VSIG4: variants seen among roughly 807,000 people sequenced by gnomAD.
VSIG4 encodes V-set and immunoglobulin domain containing 4.
VSIG4 carries 34 observed loss-of-function variants against 23.4 expected under a neutral mutation model. The ratio of observed to expected loss-of-function variants is 1.45; its 90% CI spans 1.10 to 1.93. The LOEUF (loss-of-function observed/expected upper bound fraction) is 1.93. Among genes scored for constraint, VSIG4 ranks in the 30% most tolerant of loss-of-function variants. VSIG4 has a pLI of 0.00. For missense variants in VSIG4, 433 were observed against 310.8 expected (o/e 1.39, Z -2.96); for synonymous variants, 169 against 120.3 (o/e 1.41, Z -2.65).
Position 66,025,122 on chromosome X carries a change from G to A in VSIG4, c.843C>T (p.Ser281=), listed in dbSNP as rs764072074. The A allele has an allele frequency of 8.4e-7, 1 of 1,187,705 alleles. No homozygotes were observed. The highest frequency in any genetic ancestry group is 1.1e-6 in the Non-Finnish European group (1 of 882,197). Residue 281 remains serine (S), a synonymous_variant, in exon 6 of 8, where the codon AGC becomes AGT. Coordinates refer to ENST00000374737, the MANE Select transcript of VSIG4 (RefSeq NM_007268.3). ...TGAGGATGATGGCAAAGACAGGCAGGCTCTTTCCTAGAGGGTAAAACAAGA... is the reference window on the plus strand; with the variant it reads ...TGAGGATGATGGCAAAGACAGGCAGACTCTTTCCTAGAGGGTAAAACAAGA... ...LGETSAGPGK[S]LPVFAIILII... is the part of the protein sequence containing the mutation.
At position 66,022,254 on chromosome X, in the gene VSIG4, G is replaced by A. The variant is rs1353281732; in HGVS notation, c.*9C>T. 6 of 1,210,865 alleles carry A rather than the reference G, an allele frequency of 5.0e-6. No individual in the cohort carries two copies. The African/African-American group carries it at 1.0e-4, about 21-fold the overall frequency. On this transcript the variant is annotated 3_prime_UTR_variant, in exon 8 of 8. Coordinates refer to ENST00000374737, the MANE Select transcript of VSIG4 (RefSeq NM_007268.3). ...TTATGTCAGCAGATCCTGGCCTAATGGGGCATTTTTAACAGACACTTTTGC... is the reference window on the plus strand; with the variant it reads ...TTATGTCAGCAGATCCTGGCCTAATAGGGCATTTTTAACAGACACTTTTGC...
At chrX:66,026,581 G>A (rs758750488) in intron 5 of VSIG4, among the ~76,000 whole-genome samples, 1 of 111,916 alleles carries the variant, frequency 8.9e-6, no homozygotes, top group South Asian at 3.8e-4. Context: ...ACATAAAACA[G>A]GTTTGAGTGC....
intron 1 of VSIG4, among the ~76,000 whole-genome samples, chrX:66,034,767 G>T (rs1341570843): frequency 3.4e-5 from 2 of 58,601 alleles, no homozygotes; most frequent in Non-Finnish European, 5.2e-5. Context: ...CCTTGGGGAT[G>T]GGGGTGGGGG....
Position 66,036,972 on chromosome X carries a change from T to TC in VSIG4, c.55+2971_55+2972insG, listed in dbSNP as rs1449469775. 1.6e-4 allele frequency among the ~76,000 whole-genome samples: 5 copies of TC among 31,638 alleles called. 1 individual carries two copies. The highest frequency in any genetic ancestry group is 5.1e-4 in the African/African-American group (2 of 3,928). 27.5% of individuals were successfully genotyped at this position (31,638 alleles called of 115,157 possible). ...ATATTATATTATATTATATAATATA[T>TC]AATATAATATATCATATAATATAAT... is the stretch of plus-strand genomic sequence containing the variant. On this transcript the variant is annotated intron_variant, in intron 1 of 7. Transcript: ENST00000374737.
intron 3 of VSIG4, among the ~76,000 whole-genome samples, chrX:66,029,166 T>C (rs1218864937): frequency 9.0e-6 from 1 of 111,495 alleles, no homozygotes; most frequent in Non-Finnish European, 1.9e-5. Context: ...AGTAGATAAG[T>C]CTGGATAGGT....
At chrX:66,036,405 C>A (rs1305218218) in intron 1 of VSIG4, among the ~76,000 whole-genome samples, 3 of 104,644 alleles carry the variant, frequency 2.9e-5, no homozygotes, top group Admixed American at 2.3e-4. Flanking sequence ...CCCCTAGAAT[C>A]AAGTAGGAGC....
intron 4 of VSIG4, 115 bp downstream of exon 4, chrX:66,027,935 T>G (rs940074802): frequency 1.5e-5 from 10 of 674,382 alleles, no homozygotes; most frequent in Non-Finnish European, 2.2e-5. Flanking sequence ...CTATGTTCTC[T>G]CTGAGGAACC....
At chrX:66,029,833 TA>T (rs1364419937) in intron 3 of VSIG4, among the ~76,000 whole-genome samples, 2 of 111,092 alleles carry the variant, frequency 1.8e-5, no homozygotes, top group Non-Finnish European at 3.8e-5. Context: ...ACGCTGAAAT[TA>T]GAAATGAAGC....
In VSIG4 at chrX:66,028,021, C is replaced by G. The variant is rs753238761; in HGVS notation, c.757+29G>C. 4.6e-5 allele frequency: 55 copies of G among 1,188,645 alleles called. 1 individual carries two copies. In the South Asian group the frequency reaches 9.6e-4, roughly 21 times the overall value. On this transcript the variant is annotated intron_variant, in intron 4 of 7. Coordinates refer to ENST00000374737, the MANE Select transcript of VSIG4 (RefSeq NM_007268.3). Reference sequence around the variant, plus strand: ...ACGATGACACCATTTTGAACCTCTACTACTTCCTCAGACTCTAGCAAAACT... The same window carrying G: ...ACGATGACACCATTTTGAACCTCTAGTACTTCCTCAGACTCTAGCAAAACT...
chrX:66,024,709 T>C (rs751242292), intron 6 of VSIG4, among the ~76,000 whole-genome samples: 61 of 112,073 alleles, frequency 5.4e-4, no homozygotes, highest in African/African-American at 1.8e-3. Context: ...TGTTTCTACC[T>C]TGAATCTCCT....
At chrX:66,038,208 C>T (rs1045374465) in intron 1 of VSIG4, among the ~76,000 whole-genome samples, 15 of 111,539 alleles carry the variant, frequency 1.3e-4, no homozygotes, top group Admixed American at 5.8e-4. Context: ...TTACTCTGGC[C>T]GCTACAGGGT....
rs773046752 is a variant in VSIG4, at chrX:66,022,165, G to T, written c.*98C>A. 2 of 1,204,575 alleles carry T rather than the reference G, an allele frequency of 1.7e-6. No homozygotes were observed. The highest frequency in any genetic ancestry group is 3.5e-5 in the African/African-American group (2 of 57,237). ...CCAGTGTTGGTAGGCGGACACTTTG[G>T]GCTATCCAGGAAGAGAGGTAGCAGG... On this transcript the variant is annotated 3_prime_UTR_variant, in exon 8 of 8. Coordinates refer to ENST00000374737, the MANE Select transcript of VSIG4 (RefSeq NM_007268.3).
rs756583970 is a variant in VSIG4, at chrX:66,033,616, G to C, written c.270C>G (p.His90Gln). The change falls in exon 2 of 8, where the codon CAC becomes CAG. Residue 90 changes from histidine to glutamine, a missense_variant. By Grantham distance (24) the His-to-Gln change is conservative. Coordinates refer to ENST00000374737, the MANE Select transcript of VSIG4 (RefSeq NM_007268.3). ...GGAGGGATACATCTCCTGGAACCTT[G>C]TGGCTCACATGCAGGCGGCCCTGGT... The part of the protein sequence containing the change: ...AKYQGRLHVS[H>Q]KVPGDVSLQL... The C allele has an allele frequency of 8.3e-7, 1 of 1,211,580 alleles. No homozygotes were observed.
Position 66,025,143 on chromosome X carries a change from C to G in VSIG4, c.836-14G>C. 8.9e-7 allele frequency: 1 copy of G among 1,127,382 alleles called. No individual in the cohort carries two copies. The highest frequency in any genetic ancestry group is 1.2e-6 in the Non-Finnish European group (1 of 834,402). The allele number at this position is 1,127,382 out of a possible 1,213,427, so 92.9% of individuals were successfully genotyped here. A position where few individuals can be genotyped will look rare whatever the true frequency, so the allele number is the denominator to read the frequency against. ...GCAGGCTCTTTCCTAGAGGGTAAAA[C>G]AAGATCAAGTGGTATTTGATTGAAA... On this transcript the variant is annotated splice_polypyrimidine_tract_variant and intron_variant, in intron 5 of 7. Coordinates refer to ENST00000374737, the MANE Select transcript of VSIG4 (RefSeq NM_007268.3).
At chrX:66,026,175 G>C (rs767567815) in intron 5 of VSIG4, among the ~76,000 whole-genome samples, 1 of 111,514 alleles carries the variant, frequency 9.0e-6, no homozygotes, top group Admixed American at 9.5e-5. Context: ...GCTAGGTCAG[G>C]GGGGATAGAG....
rs1416064974 is a variant in VSIG4 at position 66,040,075 on chromosome X, G to A, written c.-77C>T. 9.6e-6 allele frequency: 10 copies of A among 1,039,976 alleles called. No individual in the cohort carries two copies. The East Asian group carries it at 1.2e-4, about 13-fold the overall frequency. 85.7% of individuals were successfully genotyped at this position (1,039,976 alleles called of 1,213,427 possible). A position where few individuals can be genotyped will look rare whatever the true frequency, so the allele number is the denominator to read the frequency against. ...GCTCAAACTTCTGGTGGCCGCCAGCGTCTGTGACTGCTTACTTCCCTTCCT... is the reference window on the plus strand; with the variant it reads ...GCTCAAACTTCTGGTGGCCGCCAGCATCTGTGACTGCTTACTTCCCTTCCT... On this transcript the variant is annotated 5_prime_UTR_variant, in exon 1 of 8. It adds an upstream start codon to the 5' untranslated region. Transcript: ENST00000374737.
chrX:66,022,281 C>T lies in VSIG4; in HGVS notation c.1182G>A (p.Glu394=), dbSNP rs2085340749. 5 of 1,210,913 alleles carry T rather than the reference C, an allele frequency of 4.1e-6. No homozygotes were observed. In the Admixed American group the frequency reaches 1.1e-4, roughly 26 times the overall value. ...VPLDYEFLAT[E]GKSVC ...GGCATTTTTAACAGACACTTTTGCCCTCAGTGGCCAGAAACTCATAATCCA... is the reference window on the plus strand; with the variant it reads ...GGCATTTTTAACAGACACTTTTGCCTTCAGTGGCCAGAAACTCATAATCCA... The change falls in exon 8 of 8, where the codon GAG becomes GAA. Residue 394 remains glutamate (E), a synonymous_variant. Coordinates refer to ENST00000374737, the MANE Select transcript of VSIG4 (RefSeq NM_007268.3).
In VSIG4 at chrX:66,040,004, C is replaced by A; in HGVS notation, c.-6G>T. The A allele has an allele frequency of 2.5e-6, 3 of 1,211,503 alleles. No individual in the cohort carries two copies. The highest frequency in any genetic ancestry group is 3.4e-6 in the Non-Finnish European group (3 of 895,160). On this transcript the variant is annotated 5_prime_UTR_variant, in exon 1 of 8. Coordinates refer to ENST00000374737, the MANE Select transcript of VSIG4 (RefSeq NM_007268.3). ...AGGCCCAGTAAGATCCCCATCACAG[C>A]CAGAGCTACTTCTGTCCTTTCTTCC...
intron 3 of VSIG4, among the ~76,000 whole-genome samples, chrX:66,029,912 T>C (rs747250028): frequency 1.8e-5 from 2 of 111,382 alleles, no homozygotes; most frequent in African/African-American, 3.3e-5. Context: ...AATATTATGG[T>C]TGGAGAGTCA....
Sources: gnomAD v4.1 joint callset for allele counts (sites outside exome capture counted in the v4.1 genomes callset) on GRCh38, gnomAD v4.1.1 for gene constraint, MANE v1.5 for transcripts, NCBI Gene and HGNC (gene_info 2026-07-23, HGNC 2026-07-21) for gene names.